MAGI1: variants seen among roughly 807,000 people sequenced by gnomAD.
The protein encoded by MAGI1 is membrane associated guanylate kinase, WW and PDZ domain containing 1, also known as membrane-associated guanylate kinase, WW and PDZ domain-containing protein 1.
A neutral mutation model predicts 139.9 loss-of-function variants in MAGI1; 58 were observed. The observed-to-expected ratio is 0.41, with a 90% confidence interval of 0.34 to 0.52. The LOEUF (loss-of-function observed/expected upper bound fraction) is 0.52, where lower values mean the gene tolerates loss of function less well. MAGI1 is among the 20% of genes least tolerant of loss of function. The pLI is 0.12. For synonymous variants in MAGI1, 812 were observed against 737.9 expected, an observed-to-expected ratio of 1.10 and a Z score of -1.63; for missense variants, 1,874 against 1,901.6, an observed-to-expected ratio of 0.99 and a Z score of 0.27.
In MAGI1 at chr3:65,957,263, C is replaced by T. The variant is rs745845041; in HGVS notation, c.313+80733G>A. On this transcript the variant is annotated intron_variant, in intron 1 of 22. Transcript: ENST00000402939. ...GGCACACTAGCTCACATCTATAATA[C>T]AGTACTTTGGGAGGCGTCGATGGGT... 2.3e-4 allele frequency among the ~76,000 whole-genome samples: 34 copies of T among 146,352 alleles called. No homozygotes were observed. In the Middle Eastern group the frequency reaches 0.015, roughly 64 times the overall value.
intron 1 of MAGI1, among the ~76,000 whole-genome samples, chr3:65,728,464 A>AG (rs538184806): frequency 4.0e-4 from 61 of 152,338 alleles, no homozygotes; most frequent in Non-Finnish European, 7.1e-4. Context: ...TGTTAAAAAC[A>AG]GCTGCTGCTG....
chr3:65,644,008 C>T (rs2107261442), intron 1 of MAGI1, among the ~76,000 whole-genome samples: 1 of 152,162 alleles, frequency 6.6e-6, no homozygotes, highest in East Asian at 1.9e-4. Flanking sequence ...CTTTGGAGAC[C>T]CCAGAGGAAT....
At chr3:65,901,666 T>C (rs192388013) in intron 1 of MAGI1, among the ~76,000 whole-genome samples, 1 of 152,354 alleles carries the variant, frequency 6.6e-6, no homozygotes, top group East Asian at 1.9e-4. Flanking sequence ...TTTATCTACA[T>C]ACACAAATAA....
chr3:65,523,023 C>T (rs897452768), intron 2 of MAGI1, among the ~76,000 whole-genome samples: 5 of 152,116 alleles, frequency 3.3e-5, no homozygotes, highest in African/African-American at 7.2e-5. Context: ...TCCTTTCCCA[C>T]ACTTTAGAAT....
In MAGI1 at chr3:65,355,499, C is replaced by T. The variant is rs559523706; in HGVS notation, c.*879G>A. The T allele has an allele frequency of 6.6e-6, 1 of 152,472 alleles. No individual in the cohort carries two copies. Among genetic ancestry groups the T allele is most frequent in the Non-Finnish European group, 1.5e-5 (1 of 68,078 alleles). The allele number at this position is 152,472 out of a possible 1,614,324, so 9.4% of individuals were successfully genotyped here. On this transcript the variant is annotated 3_prime_UTR_variant, in exon 23 of 23. Coordinates refer to ENST00000402939, the MANE Select transcript of MAGI1 (RefSeq NM_001033057.2). ...CTTCCTCACACCAGGCACACTGTCC[C>T]CCCATTCCATCTACTATTCAGCCTC...
Position 65,589,705 on chromosome 3 carries a change from TA to T in MAGI1, c.430+32266del, listed in dbSNP as rs1007147365. On this transcript the variant is annotated intron_variant, in intron 2 of 22. Transcript: ENST00000402939. Reference sequence around the variant, plus strand: ...TCCCAATGTGGCATAAAAGCAGCCATAAAAAAAAATACAATAACCAGATGAC... The same window carrying T: ...TCCCAATGTGGCATAAAAGCAGCCATAAAAAAAATACAATAACCAGATGAC... 6.5e-3 allele frequency among the ~76,000 whole-genome samples: 982 copies of T among 150,468 alleles called. 5 individuals are homozygous for T. The highest frequency in any genetic ancestry group is 0.011 in the Non-Finnish European group (743 of 67,582).
At chr3:65,731,289 A>G (rs1186195422) in intron 1 of MAGI1, among the ~76,000 whole-genome samples, 1 of 152,146 alleles carries the variant, frequency 6.6e-6, no homozygotes, top group Non-Finnish European at 1.5e-5. Context: ...TGCTATGGCT[A>G]AAAACACCAT....
intron 1 of MAGI1, among the ~76,000 whole-genome samples, chr3:65,819,859 G>C (rs977813054): frequency 1.7e-4 from 8 of 47,100 alleles, no homozygotes; most frequent in African/African-American, 4.5e-4. Context: ...CCTAGCCACA[G>C]AGCAAGACTC....
chr3:66,008,589 G>A (rs1187839415), intron 1 of MAGI1, among the ~76,000 whole-genome samples: 2 of 152,190 alleles, frequency 1.3e-5, no homozygotes, highest in African/African-American at 4.8e-5. Context: ...AGGGAAACAA[G>A]TGGTCTTATG....
chr3:65,668,152 G>T (rs2086641351), intron 1 of MAGI1, among the ~76,000 whole-genome samples: 1 of 152,160 alleles, frequency 6.6e-6, no homozygotes, highest in Admixed American at 6.5e-5. Context: ...AACTCTTTGT[G>T]CCTCAGTTTT....
At chr3:65,784,979 T>A (rs796745372) in intron 1 of MAGI1, among the ~76,000 whole-genome samples, 58 of 152,028 alleles carry the variant, frequency 3.8e-4, no homozygotes, top group African/African-American at 1.3e-3. Context: ...AGGAAATGAC[T>A]ACTAATGGAT....
chr3:66,020,676 A>G (rs1426878670), intron 1 of MAGI1, among the ~76,000 whole-genome samples: 1 of 152,220 alleles, frequency 6.6e-6, no homozygotes, highest in East Asian at 1.9e-4. Flanking sequence ...TACCTAAGCC[A>G]TTTGAGTTGC....
At chr3:65,933,675 A>G (rs933628459) in intron 1 of MAGI1, among the ~76,000 whole-genome samples, 1 of 152,216 alleles carries the variant, frequency 6.6e-6, no homozygotes, top group African/African-American at 2.4e-5. Flanking sequence ...GAGGCTAGCT[A>G]CAATTGGCTA....
Position 65,681,006 on chromosome 3 carries a change from G to C in MAGI1, c.314-58918C>G, listed in dbSNP as rs1254363773. Among the ~76,000 whole-genome samples the C allele has an allele frequency of 2.0e-5, 3 of 152,256 alleles. No homozygotes were observed. The East Asian group carries it at 5.8e-4, about 29-fold the overall frequency. ...TAGATTTTAAGCCATTCTGGCAAAG[G>C]AGTTCTCCATAGGTCCACAGATCCA... On this transcript the variant is annotated intron_variant, in intron 1 of 22. Coordinates refer to ENST00000402939, the MANE Select transcript of MAGI1 (RefSeq NM_001033057.2).
intron 5 of MAGI1, among the ~76,000 whole-genome samples, chr3:65,468,377 T>C (rs1950314691): frequency 7.5e-6 from 1 of 133,222 alleles, no homozygotes; most frequent in Non-Finnish European, 1.6e-5. Flanking sequence ...CTTTTTTTTT[T>C]TTTTTTTTTT....
At chr3:65,597,395 G>A (rs1308380996) in intron 2 of MAGI1, among the ~76,000 whole-genome samples, 1 of 151,684 alleles carries the variant, frequency 6.6e-6, no homozygotes, top group Non-Finnish European at 1.5e-5. Flanking sequence ...GCAATACAAA[G>A]CGCGCGCCAC....
intron 1 of MAGI1, among the ~76,000 whole-genome samples, chr3:65,915,563 G>C (rs1395073088): frequency 6.6e-6 from 1 of 152,104 alleles, no homozygotes; most frequent in African/African-American, 2.4e-5. Flanking sequence ...ACTGGACTGG[G>C]AAGAGGAAAA....
At chr3:65,909,523 AG>A (rs2061572832) in intron 1 of MAGI1, among the ~76,000 whole-genome samples, 1 of 152,064 alleles carries the variant, frequency 6.6e-6, no homozygotes, top group Admixed American at 6.6e-5. Flanking sequence ...TGACAAAGCA[AG>A]ACCCTGTCTC....
intron 1 of MAGI1, among the ~76,000 whole-genome samples, chr3:65,932,077 A>C (rs1016986016): frequency 2.0e-5 from 3 of 152,198 alleles, no homozygotes; most frequent in African/African-American, 7.2e-5. Context: ...CGAGTTTTCT[A>C]ATGTTTGTGG....
Sources: allele counts gnomAD v4.1 joint callset (sites outside exome capture counted in the v4.1 genomes callset), GRCh38; gene constraint gnomAD v4.1.1; transcripts MANE v1.5; gene names NCBI Gene and HGNC (gene_info 2026-07-23, HGNC 2026-07-21).